TRPC4AP: variants seen among roughly 807,000 people sequenced by gnomAD.
The protein encoded by TRPC4AP is transient receptor potential cation channel subfamily C member 4 associated protein, also known as short transient receptor potential channel 4-associated protein.
In TRPC4AP, 45 loss-of-function variants were observed where a neutral mutation model predicts 99.0. The observed-to-expected ratio is 0.45, with a 90% CI of 0.36 to 0.58. The LOEUF is 0.58. Among genes scored for constraint, TRPC4AP ranks in the 20% least tolerant of loss-of-function variants. The pLI is 0.00. For missense variants in TRPC4AP, 879 were observed against 985.3 expected, an observed-to-expected ratio of 0.89 and a Z score of 1.44; for synonymous variants, 408 against 385.8, an observed-to-expected ratio of 1.06 and a Z score of -0.67.
At chr20:35,050,476 A>G (rs1600594063) in intron 5 of TRPC4AP, among the ~76,000 whole-genome samples, 1 of 152,280 alleles carries the variant, frequency 6.6e-6, no homozygotes, top group Admixed American at 6.5e-5. Flanking sequence ...GCACTTTGGG[A>G]GGCCAAGGTG....
At chr20:35,081,608 A>T (rs1459295034) in intron 1 of TRPC4AP, among the ~76,000 whole-genome samples, 2 of 152,084 alleles carry the variant, frequency 1.3e-5, no homozygotes, top group Non-Finnish European at 2.9e-5. Context: ...AGAAAGGCTA[A>T]AAGTAAAAGA....
intron 7 of TRPC4AP, among the ~76,000 whole-genome samples, chr20:35,040,259 G>A (rs2083417163): frequency 6.6e-6 from 1 of 152,144 alleles, no homozygotes; most frequent in Non-Finnish European, 1.5e-5. Flanking sequence ...TGTCTGTGAA[G>A]GTGATTCCAG....
intron 7 of TRPC4AP, among the ~76,000 whole-genome samples, chr20:35,038,033 A>T (rs909069272): frequency 6.6e-6 from 1 of 151,720 alleles, no homozygotes; most frequent in African/African-American, 2.4e-5. Flanking sequence ...ATCCACAGAG[A>T]AAAAAGCAGA....
At chr20:35,050,744 C>T (rs1439386831) in intron 5 of TRPC4AP, among the ~76,000 whole-genome samples, 1 of 150,482 alleles carries the variant, frequency 6.6e-6, no homozygotes, top group East Asian at 2.0e-4. Context: ...AAACCAACAA[C>T]AACAAAAAAA....
Position 35,004,448 on chromosome 20 carries a change from G to C in TRPC4AP, c.2049+10C>G. Reference sequence around the variant, plus strand: ...ACCTTCCCTGCTGTGTGTCTGCCGGGGCCTCTCACCTGGGTCAGCGTCTGC... The same window carrying C: ...ACCTTCCCTGCTGTGTGTCTGCCGGCGCCTCTCACCTGGGTCAGCGTCTGC... On this transcript the variant is annotated intron_variant, in intron 17 of 18. Transcript: ENST00000252015. The C allele has an allele frequency of 1.2e-6, 2 of 1,609,620 alleles. No homozygotes were observed. The highest frequency in any genetic ancestry group is 1.7e-6 in the Non-Finnish European group (2 of 1,177,366).
intron 3 of TRPC4AP, among the ~76,000 whole-genome samples, chr20:35,060,585 CAAAAAAAA>C (rs35143678): frequency 0.12 from 8,742 of 70,976 alleles, 281 homozygotes; most frequent in South Asian, 0.23. Flanking sequence ...ACCTTGTCTC[CAAAAAAAA>C]AAAAAAAAAA....
chr20:35,038,358 C>T lies in TRPC4AP; in HGVS notation c.866-3050G>A, dbSNP rs970532937. Among the ~76,000 whole-genome samples, 11 of 151,264 alleles carry T rather than the reference C, an allele frequency of 7.3e-5. 1 individual carries two copies. The highest frequency in any genetic ancestry group is 5.3e-4 in the Admixed American group (8 of 15,164). On this transcript the variant is annotated intron_variant, in intron 7 of 18. Transcript: ENST00000252015. ...GTACTGGGAAAGGCTACAGACAACA[C>T]GGTGGGGAAGATGAACAAGTAATTT...
At chr20:35,032,733 A>T (rs1223777264) in intron 8 of TRPC4AP, among the ~76,000 whole-genome samples, 1 of 151,854 alleles carries the variant, frequency 6.6e-6, no homozygotes, top group South Asian at 2.1e-4. Context: ...CAGCCTCCCA[A>T]AGTGCTGGGA....
Position 35,010,225 on chromosome 20 carries a change from G to T in TRPC4AP, c.1473C>A (p.Ala491=), listed in dbSNP as rs199804934. The stretch of plus-strand genomic sequence containing the variant: ...GGACAGCTTCCACCTCAGGGATGTT[G>T]GCCTTGAGAGAGATGGCACTGAGTT... ...LNELSAISLK[A]NIPEVEAVLN... The change falls in exon 12 of 19, where the codon GCC becomes GCA. Residue 491 remains alanine, a synonymous_variant. Coordinates refer to ENST00000252015, the MANE Select transcript of TRPC4AP (RefSeq NM_015638.3). 1.8e-4 allele frequency: 288 copies of T among 1,614,080 alleles called. No homozygotes were observed. The highest frequency in any genetic ancestry group is 1.3e-4 in the Admixed American group (8 of 60,008).
intron 3 of TRPC4AP, among the ~76,000 whole-genome samples, chr20:35,059,415 T>G (rs1263465729): frequency 1.3e-5 from 2 of 152,146 alleles, no homozygotes; most frequent in Non-Finnish European, 2.9e-5. Flanking sequence ...ATCCCAAGAC[T>G]CTGGGCGGCT....
chr20:35,051,972 T>G (rs1489700660), intron 5 of TRPC4AP, among the ~76,000 whole-genome samples: 2 of 152,150 alleles, frequency 1.3e-5, no homozygotes, highest in Non-Finnish European at 2.9e-5. Context: ...ATCCTTCCTT[T>G]CCTCTATATC....
chr20:35,070,292 T>C (rs1216998212), intron 2 of TRPC4AP, among the ~76,000 whole-genome samples: 1 of 152,060 alleles, frequency 6.6e-6, no homozygotes, highest in African/African-American at 2.4e-5. Context: ...TCAAATATAA[T>C]CTCCTGCAGG....
chr20:35,086,258 C>A (rs6087673), intron 1 of TRPC4AP, among the ~76,000 whole-genome samples: 1 of 151,950 alleles, frequency 6.6e-6, no homozygotes, highest in Non-Finnish European at 1.5e-5. Flanking sequence ...CGCACCCAGC[C>A]TAAATAGATA....
intron 9 of TRPC4AP, among the ~76,000 whole-genome samples, chr20:35,017,226 A>C (rs1023280946): frequency 4.6e-5 from 7 of 152,346 alleles, no homozygotes; most frequent in African/African-American, 1.7e-4. Context: ...AATTGCCGAG[A>C]GATAATACTG....
chr20:35,008,980 C>T (rs987282520), intron 12 of TRPC4AP, among the ~76,000 whole-genome samples: 20 of 152,332 alleles, frequency 1.3e-4, no homozygotes, highest in African/African-American at 4.6e-4. Context: ...AGGCCAGAAA[C>T]ATATCCAGAA....
At chr20:35,013,206 C>T in intron 10 of TRPC4AP, 140 bp from the exon 11 acceptor site, 1 of 716,458 alleles carries the variant, frequency 1.4e-6, no homozygotes, top group Non-Finnish European at 2.4e-6. Flanking sequence ...GTTAGAAAAC[C>T]ATCTGTTCAC....
chr20:35,016,766 C>T (rs2082764001), intron 9 of TRPC4AP, among the ~76,000 whole-genome samples: 1 of 152,202 alleles, frequency 6.6e-6, no homozygotes, highest in Non-Finnish European at 1.5e-5. Context: ...AGCAAAGTCA[C>T]AAGCCAAATA....
chr20:35,037,181 C>T (rs373386217), intron 7 of TRPC4AP, among the ~76,000 whole-genome samples: 165 of 151,762 alleles, frequency 1.1e-3, no homozygotes, highest in African/African-American at 3.8e-3. Flanking sequence ...CCCATCTCTA[C>T]TAAGAAGTAC....
Position 35,012,951 on chromosome 20 carries a change from C to T in TRPC4AP, c.1409+57G>A, listed in dbSNP as rs142059867. The T allele has an allele frequency of 5.3e-4, 828 of 1,574,356 alleles. 1 individual carries two copies. In the African/African-American group the frequency reaches 6.0e-3, roughly 11 times the overall value. On this transcript the variant is annotated intron_variant, in intron 11 of 18. Transcript: ENST00000252015. ...GAGGTCAGGGACCAGACAAGGAGAT[C>T]GAGGCCTTCCGAAGACAGCCCAACA... is the stretch of plus-strand genomic sequence containing the variant.
Sources: allele counts gnomAD v4.1 joint callset (sites outside exome capture counted in the v4.1 genomes callset), GRCh38; gene constraint gnomAD v4.1.1; transcripts MANE v1.5; gene names NCBI Gene and HGNC (gene_info 2026-07-23, HGNC 2026-07-21).